Variants in PPARGC1A observed in about 807,000 individuals in gnomAD.
PPARGC1A encodes the protein peroxisome proliferator-activated receptor gamma coactivator 1-alpha.
PPARGC1A carries 25 observed loss-of-function variants against 88.7 expected under a neutral mutation model. The ratio of observed to expected loss-of-function variants is 0.28; its 90% CI spans 0.21 to 0.39. The LOEUF (loss-of-function observed/expected upper bound fraction) is 0.39, where lower values mean the gene tolerates loss of function less well. PPARGC1A is among the 10% of genes least tolerant of loss of function. The pLI, the probability that PPARGC1A is intolerant of heterozygous loss-of-function variation, is 1.00. For synonymous variants in PPARGC1A, 363 were observed against 355.6 expected (o/e 1.02, Z -0.24); for missense variants, 880 against 968.7 (o/e 0.91, Z 1.22).
chr4:23,847,246 C>T (rs1274053978), intron 2 of PPARGC1A, among the ~76,000 whole-genome samples: 1 of 152,090 alleles, frequency 6.6e-6, no homozygotes, highest in East Asian at 1.9e-4. Context: ...AAGGCTTGCC[C>T]ATCAGTGAGA....
chr4:24,162,846 G>A, the PPARGC1A span, among the ~76,000 whole-genome samples: 1,948 of 151,724 alleles, frequency 0.013, 37 homozygotes, highest in African/African-American at 0.045. Context: ...CACCCAACTC[G>A]GCCTCCCAAA....
At chr4:24,200,588 CAG>C in the PPARGC1A span, among the ~76,000 whole-genome samples, 4 of 131,852 alleles carry the variant, frequency 3.0e-5, no homozygotes, top group Non-Finnish European at 4.7e-5. Flanking sequence ...AGATATGAAA[CAG>C]GGAAATGGGA....
At chr4:24,220,093 C>T in the PPARGC1A span, among the ~76,000 whole-genome samples, 3 of 152,106 alleles carry the variant, frequency 2.0e-5, no homozygotes, top group South Asian at 6.2e-4. Context: ...CAAAAGAAGA[C>T]ATACGAGCAG....
At chr4:23,967,891 G>C in the PPARGC1A span, among the ~76,000 whole-genome samples, 1 of 152,144 alleles carries the variant, frequency 6.6e-6, no homozygotes, top group African/African-American at 2.4e-5. Flanking sequence ...ATAGCTTAGA[G>C]GTGGGGAATA....
chr4:24,333,557 T>C, the PPARGC1A span, among the ~76,000 whole-genome samples: 2 of 152,174 alleles, frequency 1.3e-5, no homozygotes, highest in Non-Finnish European at 2.9e-5. Context: ...GAGAGCAAGT[T>C]AGAAACAGCA....
chr4:24,027,239 G>GTGTC, the PPARGC1A span, among the ~76,000 whole-genome samples: 1 of 151,216 alleles, frequency 6.6e-6, no homozygotes, highest in African/African-American at 2.4e-5. Flanking sequence ...GTGTGTGTCT[G>GTGTC]TGTGTGTGCG....
chr4:23,856,630 G>T (rs1055478606), intron 2 of PPARGC1A, among the ~76,000 whole-genome samples: 1 of 152,094 alleles, frequency 6.6e-6, no homozygotes, highest in Admixed American at 6.5e-5. Context: ...ATCCCAATTT[G>T]GTCATTTCTC....
chr4:24,045,861 C>T, the PPARGC1A span, among the ~76,000 whole-genome samples: 5 of 152,242 alleles, frequency 3.3e-5, no homozygotes, highest in African/African-American at 7.2e-5. Context: ...AATATAACTA[C>T]CAAAAACGGG....
chr4:24,437,568 TGTAA>T, the PPARGC1A span, among the ~76,000 whole-genome samples: 1 of 152,080 alleles, frequency 6.6e-6, no homozygotes, highest in African/African-American at 2.4e-5. Context: ...GAGTTAATTC[TGTAA>T]GTAAGGGAAA....
At chr4:24,005,452 C>A in the PPARGC1A span, among the ~76,000 whole-genome samples, 2 of 152,140 alleles carry the variant, frequency 1.3e-5, no homozygotes, top group South Asian at 2.1e-4. Flanking sequence ...ATCCCAACCC[C>A]GTCCCCTTGA....
At chr4:23,854,087 A>G (rs1354661272) in intron 2 of PPARGC1A, among the ~76,000 whole-genome samples, 2 of 152,208 alleles carry the variant, frequency 1.3e-5, no homozygotes, top group Non-Finnish European at 1.5e-5. Context: ...TATTATTTTT[A>G]TTAGCCTCAA....
At chr4:23,888,016 C>T (rs1232788742) in intron 1 of PPARGC1A, among the ~76,000 whole-genome samples, 1 of 152,154 alleles carries the variant, frequency 6.6e-6, no homozygotes, top group Admixed American at 6.5e-5. Flanking sequence ...AACCAATGTA[C>T]TACCCTGTCA....
At chr4:23,797,743 G>A (rs534256413) in intron 12 of PPARGC1A, among the ~76,000 whole-genome samples, 1 of 152,260 alleles carries the variant, frequency 6.6e-6, no homozygotes, top group African/African-American at 2.4e-5. Flanking sequence ...GAGATAGAAT[G>A]TGGTTACATT....
chr4:23,978,766 G>A, the PPARGC1A span, among the ~76,000 whole-genome samples: 1 of 152,170 alleles, frequency 6.6e-6, no homozygotes, highest in Non-Finnish European at 1.5e-5. Context: ...GGGAGGGGGA[G>A]AGTGAAACAC....
the PPARGC1A span, among the ~76,000 whole-genome samples, chr4:24,213,774 C>A: frequency 4.6e-5 from 7 of 152,352 alleles, no homozygotes; most frequent in Non-Finnish European, 8.8e-5. Flanking sequence ...GAAAAGATTT[C>A]TCTGCCTCCA....
chr4:23,947,696 C>T, the PPARGC1A span, among the ~76,000 whole-genome samples: 1 of 152,046 alleles, frequency 6.6e-6, no homozygotes, highest in African/African-American at 2.4e-5. Flanking sequence ...CCATGGAGAT[C>T]ATGCTTCTCC....
At chr4:24,280,659 C>T in the PPARGC1A span, among the ~76,000 whole-genome samples, 2 of 152,204 alleles carry the variant, frequency 1.3e-5, no homozygotes, top group South Asian at 4.1e-4. Flanking sequence ...TTAGAGCACA[C>T]ATTTCTATGA....
At chr4:24,382,961 G>A in the PPARGC1A span, among the ~76,000 whole-genome samples, 6 of 152,212 alleles carry the variant, frequency 3.9e-5, no homozygotes, top group Admixed American at 3.9e-4. Flanking sequence ...CCCAGCAGGG[G>A]TTGATAGACA....
At chr4:23,853,145 A>ATAT (rs1223104299) in intron 2 of PPARGC1A, among the ~76,000 whole-genome samples, 1 of 152,198 alleles carries the variant, frequency 6.6e-6, no homozygotes, top group East Asian at 1.9e-4. Flanking sequence ...GGTTTTCATT[A>ATAT]TAGAAAGCAA....
Sources: gnomAD v4.1 joint callset for allele counts (sites outside exome capture counted in the v4.1 genomes callset) on GRCh38, gnomAD v4.1.1 for gene constraint, MANE v1.5 for transcripts, NCBI Gene and HGNC (gene_info 2026-07-23, HGNC 2026-07-21) for gene names.